The following BICRAL variants were observed in gnomAD, a reference collection of about 807,000 sequenced individuals.
BICRAL encodes the protein BICRA like chromatin remodeling complex associated protein.
BICRAL carries 8 observed loss-of-function variants against 91.8 expected under a neutral mutation model. The ratio of observed to expected loss-of-function variants is 0.09; its 90% confidence interval spans 0.05 to 0.16. BICRAL has a LOEUF of 0.16. Among genes scored for constraint, BICRAL ranks in the 10% least tolerant of loss-of-function variants. BICRAL has a pLI of 1.00. For missense variants in BICRAL, 1,038 were observed against 1,310.9 expected, an observed-to-expected ratio of 0.79 and a Z score of 3.21; for synonymous variants, 445 against 491.1, an observed-to-expected ratio of 0.91 and a Z score of 1.24.
chr6:42,752,712 T>C (rs1309836752), intron 1 of BICRAL, among the ~76,000 whole-genome samples: 2 of 152,002 alleles, frequency 1.3e-5, no homozygotes, highest in East Asian at 3.9e-4. Context: ...CAAGCAATTA[T>C]CCTGCCCCAG....
chr6:42,852,245 G>A, intron 7 of BICRAL, 48 bp downstream of exon 7: 1 of 1,081,432 alleles, frequency 9.2e-7, no homozygotes, highest in Non-Finnish European at 1.4e-6. Context: ...ACCACGGGAT[G>A]CTCTTCTCAC....
intron 5 of BICRAL, among the ~76,000 whole-genome samples, chr6:42,824,916 A>G (rs569741949): frequency 5.9e-4 from 90 of 152,280 alleles, no homozygotes; most frequent in African/African-American, 2.0e-3. Flanking sequence ...TGAGCTCAGG[A>G]GTTTGAGACC....
intron 1 of BICRAL, among the ~76,000 whole-genome samples, chr6:42,764,255 A>C (rs12190215): frequency 0.19 from 28,509 of 150,192 alleles, 2,957 homozygotes; most frequent in Admixed American, 0.25. Context: ...AAAAAAAAAA[A>C]CAAAAATGTC....
intron 1 of BICRAL, among the ~76,000 whole-genome samples, chr6:42,757,460 G>A (rs1225221632): frequency 6.6e-6 from 1 of 152,096 alleles, no homozygotes; most frequent in African/African-American, 2.4e-5. Context: ...CACCCTGTTA[G>A]CCAGGATGGT....
chr6:42,764,962 G>A (rs1762610051), intron 1 of BICRAL, among the ~76,000 whole-genome samples: 1 of 152,142 alleles, frequency 6.6e-6, no homozygotes, highest in Non-Finnish European at 1.5e-5. Flanking sequence ...CCCGGCCTAG[G>A]TTATGTTTTA....
At chr6:42,776,204 T>C (rs1262158911) in intron 1 of BICRAL, among the ~76,000 whole-genome samples, 1 of 151,882 alleles carries the variant, frequency 6.6e-6, no homozygotes. Context: ...GTATTTTTAG[T>C]AGAGATGGGG....
chr6:42,810,617 A>G (rs1024289617), intron 2 of BICRAL, among the ~76,000 whole-genome samples: 1 of 152,214 alleles, frequency 6.6e-6, no homozygotes, highest in African/African-American at 2.4e-5. Context: ...CTTTTTGATG[A>G]TGACACCCAT....
chr6:42,848,595 G>T (rs954624333), intron 6 of BICRAL, among the ~76,000 whole-genome samples: 2 of 152,120 alleles, frequency 1.3e-5, no homozygotes, highest in Non-Finnish European at 2.9e-5. Flanking sequence ...CTATAACCCC[G>T]CACTTTAGGT....
intron 5 of BICRAL, among the ~76,000 whole-genome samples, chr6:42,825,587 G>A (rs1764272142): frequency 6.6e-6 from 1 of 151,366 alleles, no homozygotes; most frequent in Non-Finnish European, 1.5e-5. Context: ...AGAAAAAATA[G>A]ATGAGCATGG....
chr6:42,811,931 A>G (rs1234376776), intron 2 of BICRAL, among the ~76,000 whole-genome samples: 1 of 152,252 alleles, frequency 6.6e-6, no homozygotes, highest in Non-Finnish European at 1.5e-5. Flanking sequence ...CTAAAGATTG[A>G]CAAAGCTTAA....
intron 10 of BICRAL, among the ~76,000 whole-genome samples, chr6:42,859,317 G>A (rs1421426877): frequency 1.3e-5 from 2 of 151,962 alleles, no homozygotes; most frequent in South Asian, 2.1e-4. Context: ...ACTTGAACCC[G>A]GGAGGAGAAG....
chr6:42,840,248 TTTGTTTG>T (rs1254018464), intron 6 of BICRAL, among the ~76,000 whole-genome samples: 69 of 151,946 alleles, frequency 4.5e-4, no homozygotes, highest in African/African-American at 1.5e-3. Flanking sequence ...TGTTTGTTTG[TTTGTTTG>T]TTTTTGAGAC....
intron 1 of BICRAL, among the ~76,000 whole-genome samples, chr6:42,791,702 G>A (rs1031503941): frequency 3.3e-5 from 5 of 152,034 alleles, no homozygotes; most frequent in African/African-American, 4.8e-5. Flanking sequence ...GGGCTCAAGC[G>A]GTCTTCTCAC....
At chr6:42,857,614 A>AAAAAAAAAAAAAAT in intron 10 of BICRAL, among the ~76,000 whole-genome samples, 2 of 96,242 alleles carry the variant, frequency 2.1e-5, no homozygotes, top group Non-Finnish European at 3.7e-5. Flanking sequence ...AAAAAAAAAA[A>AAAAAAAAAAAAAAT]ATATATATAT....
intron 1 of BICRAL, among the ~76,000 whole-genome samples, chr6:42,797,884 G>A (rs1763458187): frequency 6.6e-6 from 1 of 152,066 alleles, no homozygotes; most frequent in Non-Finnish European, 1.5e-5. Flanking sequence ...GCTGAGGCAG[G>A]AGAATCACTT....
intron 1 of BICRAL, among the ~76,000 whole-genome samples, chr6:42,784,298 G>T (rs554075211): frequency 3.3e-5 from 5 of 152,156 alleles, no homozygotes; most frequent in Non-Finnish European, 5.9e-5. Flanking sequence ...GTATCTATTA[G>T]AGATGGGGGA....
intron 5 of BICRAL, among the ~76,000 whole-genome samples, chr6:42,824,022 A>G (rs1392035283): frequency 6.6e-6 from 1 of 151,914 alleles, no homozygotes; most frequent in Non-Finnish European, 1.5e-5. Context: ...CAGATCATGA[A>G]GTCAGGAGAT....
At chr6:42,798,034 C>T (rs751689036) in intron 1 of BICRAL, among the ~76,000 whole-genome samples, 2 of 152,058 alleles carry the variant, frequency 1.3e-5, no homozygotes, top group Admixed American at 6.6e-5. Flanking sequence ...TCATGCCCTT[C>T]GCAGAAACAT....
chr6:42,770,412 A>ATTTTTTT (rs531644287), intron 1 of BICRAL, among the ~76,000 whole-genome samples: 1 of 126,230 alleles, frequency 7.9e-6, no homozygotes, highest in African/African-American at 3.1e-5. Context: ...TATTATTATT[A>ATTTTTTT]TTTTTTTTTT....
Sources: gnomAD v4.1 joint callset for allele counts (sites outside exome capture counted in the v4.1 genomes callset) on GRCh38, gnomAD v4.1.1 for gene constraint, MANE v1.5 for transcripts, NCBI Gene and HGNC (gene_info 2026-07-23, HGNC 2026-07-21) for gene names.